Variants in IL5RA observed in about 807,000 individuals in gnomAD.
The protein encoded by IL5RA is interleukin 5 receptor subunit alpha, also known as interleukin-5 receptor subunit alpha.
A neutral mutation model predicts 50.0 loss-of-function variants in IL5RA; 49 were observed. The ratio of observed to expected loss-of-function variants is 0.98; its 90% CI spans 0.78 to 1.24. The LOEUF is 1.24. Ranked by LOEUF, IL5RA falls within the 50% of genes most tolerant of loss-of-function variation. The pLI is 0.00. For missense variants in IL5RA, 600 were observed against 500.4 expected (o/e 1.20, Z -1.90); for synonymous variants, 202 against 174.0 (o/e 1.16, Z -1.26).
In IL5RA at chr3:3,099,314, A is replaced by G. The variant is rs186483890; in HGVS notation, c.368-1024T>C. 3.2e-3 allele frequency among the ~76,000 whole-genome samples: 489 copies of G among 152,278 alleles called. 1 individual carries two copies. The highest frequency in any genetic ancestry group is 7.5e-3 in the South Asian group (36 of 4,828). ...GGAGTTTGAGACCAGCCCAGGCAAC[A>G]TGGTGAAACCTCGTCTTTGCAAAAA... On this transcript the variant is annotated intron_variant, in intron 5 of 11. Transcript: ENST00000446632.
chr3:3,075,224 T>TTTTTTG (rs1702436254), intron 10 of IL5RA, among the ~76,000 whole-genome samples: 7 of 148,404 alleles, frequency 4.7e-5, no homozygotes, highest in Non-Finnish European at 7.4e-5. Flanking sequence ...TTTTTTTTTT[T>TTTTTTG]TTTGGTCTTG....
At chr3:3,090,574 T>C (rs1365817479) in intron 9 of IL5RA, among the ~76,000 whole-genome samples, 1 of 148,456 alleles carries the variant, frequency 6.7e-6, no homozygotes, top group Admixed American at 6.7e-5. Flanking sequence ...TTCTTTCTTT[T>C]TTTTTTTTTT....
rs201305563 is a variant in IL5RA at position 3,101,763 on chromosome 3, C to T, written c.296G>A (p.Arg99Gln). Residue 99 changes from arginine to glutamine, a missense_variant, in exon 5 of 12, where the codon CGG (arginine) becomes CAG (glutamine). Coordinates refer to ENST00000446632, the MANE Select transcript of IL5RA (RefSeq NM_175726.4). Reference sequence around the variant, plus strand: ...TGAGTGGTCGTTCTGCAGGATGGTCCGCACACTTGCTGAAAAGCCTTTGTG... The same window carrying T: ...TGAGTGGTCGTTCTGCAGGATGGTCTGCACACTTGCTGAAAAGCCTTTGTG... ...ILHKGFSASV[R>Q]TILQNDHSLL... The T allele has an allele frequency of 3.6e-4, 577 of 1,613,918 alleles. No homozygotes were observed. Among genetic ancestry groups the T allele is most frequent in the Non-Finnish European group, 4.1e-4 (480 of 1,179,966 alleles).
At chr3:3,101,543 A>C in intron 5 of IL5RA, 149 bp downstream of exon 5, 1 of 664,372 alleles carries the variant, frequency 1.5e-6, no homozygotes, top group South Asian at 2.2e-5. Context: ...AAGTGGCAGC[A>C]GCCTTGGTTA....
rs897656250 is a variant in IL5RA at position 3,069,979 on chromosome 3, C to A, written c.*246G>T. On this transcript the variant is annotated 3_prime_UTR_variant, in exon 12 of 12. Transcript: ENST00000446632. Reference sequence around the variant, plus strand: ...GGTGAGGAGGTGCTACCCTGTACGGCATGGGGAGAAAAAACATGGCAAAAT... The same window carrying A: ...GGTGAGGAGGTGCTACCCTGTACGGAATGGGGAGAAAAAACATGGCAAAAT... 3 of 415,732 alleles carry A rather than the reference C, an allele frequency of 7.2e-6. No homozygotes were observed. Among genetic ancestry groups the A allele is most frequent in the African/African-American group, 4.2e-5 (2 of 47,998 alleles). 25.8% of individuals were successfully genotyped at this position (415,732 alleles called of 1,614,324 possible). A position where few individuals can be genotyped will look rare whatever the true frequency, so the allele number is the denominator to read the frequency against.
intron 11 of IL5RA, among the ~76,000 whole-genome samples, chr3:3,073,150 C>T (rs1284321738): frequency 2.0e-5 from 3 of 152,218 alleles, no homozygotes; most frequent in African/African-American, 7.2e-5. Flanking sequence ...CAGCTAGTAA[C>T]TGTAACTGTC....
chr3:3,107,512 T>C (rs1416752161), intron 2 of IL5RA, among the ~76,000 whole-genome samples: 2 of 152,192 alleles, frequency 1.3e-5, no homozygotes, highest in East Asian at 1.9e-4. Context: ...AGCTTAAACA[T>C]ATATATCGAC....
At chr3:3,085,526 T>C (rs780268954) in intron 9 of IL5RA, among the ~76,000 whole-genome samples, 51 of 152,104 alleles carry the variant, frequency 3.4e-4, no homozygotes, top group Non-Finnish European at 5.9e-5. Flanking sequence ...AGGAATCAGG[T>C]TGGAGCTGCG....
At chr3:3,099,563 A>C (rs1327036638) in intron 5 of IL5RA, among the ~76,000 whole-genome samples, 1 of 152,060 alleles carries the variant, frequency 6.6e-6, no homozygotes, top group African/African-American at 2.4e-5. Context: ...GGGGAGGTCG[A>C]GGCTGCAATG....
chr3:3,105,212 C>A lies in IL5RA; in HGVS notation c.-3-225G>T, dbSNP rs146691300. Among the ~76,000 whole-genome samples, 132 of 152,214 alleles carry A rather than the reference C, an allele frequency of 8.7e-4. 1 individual carries two copies. Among genetic ancestry groups the A allele is most frequent in the African/African-American group, 3.1e-3 (130 of 41,532 alleles). On this transcript the variant is annotated intron_variant, in intron 2 of 11. Coordinates refer to ENST00000446632, the MANE Select transcript of IL5RA (RefSeq NM_175726.4). The stretch of plus-strand genomic sequence containing the variant: ...TGAAATATAAATTGATAAATGTAAA[C>A]CAGTTGAAAAACTGCCTCAGTAAAG...
chr3:3,091,737 A>G (rs969936572), intron 9 of IL5RA: 3 of 155,342 alleles, frequency 1.9e-5, no homozygotes, highest in African/African-American at 4.8e-5. Context: ...GTCCAAAAAG[A>G]AACAAAAAAA....
chr3:3,108,326 C>T (rs1704026841), intron 2 of IL5RA, among the ~76,000 whole-genome samples: 1 of 152,084 alleles, frequency 6.6e-6, no homozygotes, highest in Non-Finnish European at 1.5e-5. Context: ...TACTACTGTA[C>T]TTTTGATTAA....
Position 3,106,572 on chromosome 3 carries a change from C to A in IL5RA, c.-3-1585G>T, listed in dbSNP as rs980937669. ...TGTAGAAATTAAAAAAAAAATGAAA[C>A]GATGACGATGACAACAAAAGCAGGT... On this transcript the variant is annotated intron_variant, in intron 2 of 11. Transcript: ENST00000446632. Among the ~76,000 whole-genome samples, 3 of 151,548 alleles carry A rather than the reference C, an allele frequency of 2.0e-5. 1 individual carries two copies. The highest frequency in any genetic ancestry group is 7.3e-5 in the African/African-American group (3 of 41,250).
rs1004866371 is a variant in IL5RA at position 3,109,303 on chromosome 3, C to T, written c.-145-612G>A. On this transcript the variant is annotated intron_variant, in intron 1 of 11. Transcript: ENST00000446632. The stretch of plus-strand genomic sequence containing the variant: ...TGAAACAATCTTGGAAATCCAAGAA[C>T]CCCTACCAGAAAGAAAAAGCAGAAC... Among the ~76,000 whole-genome samples, 9 of 152,266 alleles carry T rather than the reference C, an allele frequency of 5.9e-5. No homozygotes were observed. The South Asian group carries it at 6.2e-4, about 11-fold the overall frequency.
chr3:3,078,887 G>T (rs4322988), intron 9 of IL5RA, among the ~76,000 whole-genome samples: 20,133 of 151,224 alleles, frequency 0.13, 1,444 homozygotes, highest in East Asian at 0.25. Flanking sequence ...TCATTTCCCA[G>T]CTCTAACACT....
rs771297039 is a variant in IL5RA at position 3,104,633 on chromosome 3, C to T, written c.82+270G>A. ...CTTGTGTGAGAAGACATTCCAAATGCGACCACTGGCGCCAGCTTTATTCCA... is the reference window on the plus strand; with the variant it reads ...CTTGTGTGAGAAGACATTCCAAATGTGACCACTGGCGCCAGCTTTATTCCA... On this transcript the variant is annotated intron_variant, in intron 3 of 11. Coordinates refer to ENST00000446632, the MANE Select transcript of IL5RA (RefSeq NM_175726.4). 9.3e-4 allele frequency among the ~76,000 whole-genome samples: 142 copies of T among 152,134 alleles called. 1 individual carries two copies. Among genetic ancestry groups the T allele is most frequent in the Admixed American group, 5.2e-4 (8 of 15,272 alleles).
chr3:3,089,905 A>G (rs563557512), intron 9 of IL5RA: 31 of 243,676 alleles, frequency 1.3e-4, no homozygotes, highest in Middle Eastern at 1.4e-3. Flanking sequence ...GAGCCACCGC[A>G]CCCATCCCCA....
At chr3:3,075,976 C>T (rs1177138283) in intron 10 of IL5RA, among the ~76,000 whole-genome samples, 1 of 152,120 alleles carries the variant, frequency 6.6e-6, no homozygotes, top group Admixed American at 6.5e-5. Flanking sequence ...GGTCTTGTGC[C>T]TTACTGAATG....
chr3:3,090,969 C>T (rs1366466059), intron 9 of IL5RA, among the ~76,000 whole-genome samples: 3 of 152,152 alleles, frequency 2.0e-5, no homozygotes, highest in Non-Finnish European at 4.4e-5. Flanking sequence ...AAATGTGCCC[C>T]TTCATCCATA....
Sources: gnomAD v4.1 joint callset for allele counts (sites outside exome capture counted in the v4.1 genomes callset) on GRCh38, gnomAD v4.1.1 for gene constraint, MANE v1.5 for transcripts, NCBI Gene and HGNC (gene_info 2026-07-23, HGNC 2026-07-21) for gene names.